AGBL4: variants seen among roughly 807,000 people sequenced by gnomAD.
The protein encoded by AGBL4 is AGBL carboxypeptidase 4.
A neutral mutation model predicts 66.4 loss-of-function variants in AGBL4; 58 were observed. The ratio of observed to expected loss-of-function variants is 0.87; its 90% CI spans 0.71 to 1.09. AGBL4 has a LOEUF of 1.09. AGBL4 is among the 50% of genes least tolerant of loss of function. The probability of loss-of-function intolerance (pLI) is 0.00; values close to 1 mark genes in which losing one functional copy is unlikely to be tolerated. For missense variants in AGBL4, 579 were observed against 631.0 expected (o/e 0.92, Z 0.88); for synonymous variants, 234 against 222.9 (o/e 1.05, Z -0.44).
At chr1:49,137,547 A>G (rs987669483) in intron 4 of AGBL4, among the ~76,000 whole-genome samples, 2 of 152,130 alleles carry the variant, frequency 1.3e-5, no homozygotes, top group African/African-American at 4.8e-5. Flanking sequence ...CATGATACTG[A>G]TATTGATACT....
At chr1:48,763,385 T>C (rs181510049) in intron 6 of AGBL4, among the ~76,000 whole-genome samples, 118 of 152,302 alleles carry the variant, frequency 7.7e-4, no homozygotes, top group Non-Finnish European at 1.4e-3. Context: ...CTACAAATCA[T>C]TGCTGACTTC....
intron 2 of AGBL4, among the ~76,000 whole-genome samples, chr1:49,735,327 G>GTGTC (rs1165199132): frequency 6.7e-6 from 1 of 150,076 alleles, no homozygotes; most frequent in East Asian, 1.9e-4. Context: ...GTGTGTGTGT[G>GTGTC]TGTGTGTAGA....
intron 11 of AGBL4, among the ~76,000 whole-genome samples, chr1:48,566,991 T>A (rs557138972): frequency 2.0e-5 from 3 of 152,222 alleles, no homozygotes; most frequent in African/African-American, 7.2e-5. Context: ...ACTGCATGAG[T>A]CAATTTCTTG....
intron 3 of AGBL4, among the ~76,000 whole-genome samples, chr1:49,485,663 A>G (rs1261371919): frequency 6.6e-6 from 1 of 151,818 alleles, no homozygotes; most frequent in Non-Finnish European, 1.5e-5. Flanking sequence ...AGATCCTGTC[A>G]TTTAGAACAT....
At chr1:49,245,654 T>C in intron 4 of AGBL4, 116 bp downstream of exon 4, 2 of 665,602 alleles carry the variant, frequency 3.0e-6, no homozygotes, top group Non-Finnish European at 5.0e-6. Context: ...TAAAATTTTC[T>C]TTTAAAAATT....
At chr1:48,860,283 C>T (rs1314580125) in intron 6 of AGBL4, among the ~76,000 whole-genome samples, 1 of 152,120 alleles carries the variant, frequency 6.6e-6, no homozygotes, top group Non-Finnish European at 1.5e-5. Flanking sequence ...CATTTATTCC[C>T]ATCAAATAGT....
chr1:49,318,692 A>G (rs772853000), intron 3 of AGBL4, among the ~76,000 whole-genome samples: 6 of 152,092 alleles, frequency 3.9e-5, no homozygotes, highest in African/African-American at 1.2e-4. Flanking sequence ...TCTAGGTAAG[A>G]GCTAGAAAGT....
At chr1:48,944,017 T>G (rs1656240908) in intron 5 of AGBL4, among the ~76,000 whole-genome samples, 1 of 152,142 alleles carries the variant, frequency 6.6e-6, no homozygotes, top group South Asian at 2.1e-4. Context: ...GTGAGCAACA[T>G]TCAACATCTG....
At chr1:48,751,121 G>C (rs1267886648) in intron 6 of AGBL4, among the ~76,000 whole-genome samples, 2 of 152,280 alleles carry the variant, frequency 1.3e-5, no homozygotes, top group Middle Eastern at 3.4e-3. Context: ...CTATAAGATA[G>C]GGGTGAAAGG....
At chr1:49,896,051 G>C (rs1447734484) in intron 1 of AGBL4, among the ~76,000 whole-genome samples, 2 of 151,732 alleles carry the variant, frequency 1.3e-5, no homozygotes, top group African/African-American at 4.8e-5. Context: ...GACATTCTAT[G>C]CAAATGGAAA....
chr1:48,606,548 C>A (rs1265324617), intron 9 of AGBL4, among the ~76,000 whole-genome samples: 1 of 152,164 alleles, frequency 6.6e-6, no homozygotes, highest in Non-Finnish European at 1.5e-5. Context: ...GGAGAAATCA[C>A]CTTCTTGCCT....
At chr1:49,830,577 A>C (rs955236433) in intron 2 of AGBL4, among the ~76,000 whole-genome samples, 3 of 152,152 alleles carry the variant, frequency 2.0e-5, no homozygotes, top group Admixed American at 2.0e-4. Flanking sequence ...CTCTGATGAT[A>C]GTTTCCTTTG....
intron 1 of AGBL4, among the ~76,000 whole-genome samples, chr1:50,011,426 T>G (rs1256997071): frequency 2.0e-5 from 3 of 152,216 alleles, no homozygotes; most frequent in Non-Finnish European, 4.4e-5. Context: ...CCTCGTATAC[T>G]GCTGGTGGGA....
At chr1:48,973,647 C>CT (rs931642695) in intron 5 of AGBL4, among the ~76,000 whole-genome samples, 12 of 152,148 alleles carry the variant, frequency 7.9e-5, no homozygotes, top group African/African-American at 2.9e-4. Context: ...ATCCCTTCCT[C>CT]TATTTCATAA....
At chr1:49,702,699 A>G (rs968661370) in intron 2 of AGBL4, among the ~76,000 whole-genome samples, 9 of 152,198 alleles carry the variant, frequency 5.9e-5, no homozygotes, top group Non-Finnish European at 1.0e-4. Flanking sequence ...AAATCTTCAA[A>G]GAAATACTAA....
At chr1:49,661,596 T>C (rs1201470103) in intron 3 of AGBL4, among the ~76,000 whole-genome samples, 2 of 152,148 alleles carry the variant, frequency 1.3e-5, no homozygotes, top group African/African-American at 4.8e-5. Context: ...ACTATGCTTC[T>C]TGTAAAGCCT....
At chr1:48,614,005 A>G (rs1293115427) in intron 9 of AGBL4, among the ~76,000 whole-genome samples, 1 of 152,216 alleles carries the variant, frequency 6.6e-6, no homozygotes, top group Non-Finnish European at 1.5e-5. Context: ...ATAAGAAATA[A>G]TTAGAGAAAG....
intron 5 of AGBL4, among the ~76,000 whole-genome samples, chr1:48,961,081 G>T (rs772299614): frequency 1.5e-5 from 1 of 67,768 alleles, no homozygotes; most frequent in Admixed American, 1.6e-4. Flanking sequence ...CCAGTCTGGG[G>T]TGTGTGTGTG....
intron 3 of AGBL4, among the ~76,000 whole-genome samples, chr1:49,575,724 A>C (rs1026072028): frequency 6.6e-6 from 1 of 152,250 alleles, no homozygotes; most frequent in African/African-American, 2.4e-5. Flanking sequence ...CCTAGTATGC[A>C]GCCACTGACT....
Sources: allele counts gnomAD v4.1 joint callset (sites outside exome capture counted in the v4.1 genomes callset), GRCh38; gene constraint gnomAD v4.1.1; transcripts MANE v1.5; gene names NCBI Gene and HGNC (gene_info 2026-07-23, HGNC 2026-07-21).